MSI2: variants seen among roughly 807,000 people sequenced by gnomAD.
MSI2 encodes musashi RNA binding protein 2.
In MSI2, 17 loss-of-function variants were observed where a neutral mutation model predicts 45.6. That is an observed-to-expected ratio of 0.37 (90% CI 0.26 to 0.56). The LOEUF is 0.56. Among genes scored for constraint, MSI2 ranks in the 20% least tolerant of loss-of-function variants. The pLI, the probability that MSI2 is intolerant of heterozygous loss-of-function variation, is 0.77. For synonymous variants in MSI2, 156 were observed against 158.2 expected (o/e 0.99, Z 0.11); for missense variants, 293 against 444.2 (o/e 0.66, Z 3.06).
At chr17:57,388,557 G>T (rs2083725439) in intron 5 of MSI2, among the ~76,000 whole-genome samples, 2 of 152,238 alleles carry the variant, frequency 1.3e-5, no homozygotes, top group African/African-American at 4.8e-5. Context: ...TGCTGTCCAG[G>T]TGTCTTGCTC....
intron 6 of MSI2, among the ~76,000 whole-genome samples, chr17:57,494,089 C>T (rs893480309): frequency 3.9e-5 from 6 of 151,994 alleles, no homozygotes; most frequent in East Asian, 3.9e-4. Context: ...CTACCGGGTG[C>T]GATAAGGCAG....
chr17:57,349,577 TA>T (rs1490797868), intron 5 of MSI2, among the ~76,000 whole-genome samples: 1 of 152,204 alleles, frequency 6.6e-6, no homozygotes, highest in African/African-American at 2.4e-5. Context: ...AAAAATGAAA[TA>T]CTTGAATGAT....
At chr17:57,271,967 G>A (rs1159843799) in intron 5 of MSI2, among the ~76,000 whole-genome samples, 1 of 152,064 alleles carries the variant, frequency 6.6e-6, no homozygotes, top group Admixed American at 6.6e-5. Context: ...CTTTTGGGCC[G>A]CCTAGGGGAA....
At chr17:57,371,199 G>A (rs942049661) in intron 5 of MSI2, among the ~76,000 whole-genome samples, 1 of 152,164 alleles carries the variant, frequency 6.6e-6, no homozygotes, top group Non-Finnish European at 1.5e-5. Flanking sequence ...CACCACTCCA[G>A]CCACAAAACA....
At chr17:57,362,140 C>G (rs1476711016) in intron 5 of MSI2, among the ~76,000 whole-genome samples, 1 of 152,166 alleles carries the variant, frequency 6.6e-6, no homozygotes, top group Non-Finnish European at 1.5e-5. Flanking sequence ...CTGCACGGAA[C>G]CCAGTGGTGG....
intron 5 of MSI2, among the ~76,000 whole-genome samples, chr17:57,295,119 C>G (rs545294621): frequency 4.6e-5 from 7 of 152,336 alleles, no homozygotes; most frequent in Non-Finnish European, 8.8e-5. Context: ...TGTGCCCACC[C>G]TCCAGTGCAA....
chr17:57,554,296 C>T lies in MSI2; in HGVS notation c.454+24572C>T, dbSNP rs373836668. Among the ~76,000 whole-genome samples, 4 of 152,136 alleles carry T rather than the reference C, an allele frequency of 2.6e-5. No homozygotes were observed. In the South Asian group the frequency reaches 8.3e-4, roughly 32 times the overall value. ...CTTGGCAAGGTAATTAGACTTGGTG[C>T]TCTCAAAGTAAATTCATAGTTTTAT... is the stretch of plus-strand genomic sequence containing the variant. On this transcript the variant is annotated intron_variant, in intron 7 of 13. Transcript: ENST00000284073.
At chr17:57,279,991 TG>T (rs1909272349) in intron 5 of MSI2, 1 of 150,064 alleles carries the variant, frequency 6.7e-6, no homozygotes, top group South Asian at 2.1e-4. Flanking sequence ...TATACATCCA[TG>T]CATTGGATGT....
chr17:57,640,984 G>A (rs1243014414), intron 10 of MSI2, among the ~76,000 whole-genome samples: 2 of 151,538 alleles, frequency 1.3e-5, no homozygotes, highest in Non-Finnish European at 2.9e-5. Context: ...GGGCTAGAGT[G>A]TAGTGGTATA....
At chr17:57,446,618 A>G (rs552438048) in intron 6 of MSI2, among the ~76,000 whole-genome samples, 2 of 152,344 alleles carry the variant, frequency 1.3e-5, no homozygotes, top group East Asian at 3.9e-4. Flanking sequence ...GAAAAGGTCA[A>G]GCATCCGTTC....
intron 6 of MSI2, among the ~76,000 whole-genome samples, chr17:57,456,947 C>T (rs1366039823): frequency 1.3e-5 from 2 of 152,142 alleles, no homozygotes; most frequent in Non-Finnish European, 2.9e-5. Flanking sequence ...CCTGTGGTTT[C>T]ATTGGCACTT....
intron 1 of MSI2, 24 bp downstream of exon 1, chr17:57,256,828 C>T: frequency 6.9e-7 from 1 of 1,444,040 alleles, no homozygotes; most frequent in Non-Finnish European, 9.1e-7. Context: ...CGCTGCCCAC[C>T]GCGCCGCCTT....
chr17:57,471,213 G>A (rs572490864), intron 6 of MSI2, among the ~76,000 whole-genome samples: 1 of 150,036 alleles, frequency 6.7e-6, no homozygotes, highest in Admixed American at 6.7e-5. Flanking sequence ...TCCATCCAAG[G>A]TTTCTCGAAT....
intron 10 of MSI2, among the ~76,000 whole-genome samples, chr17:57,638,722 TCAA>T (rs1414541575): frequency 1.3e-5 from 2 of 151,674 alleles, no homozygotes; most frequent in African/African-American, 4.8e-5. Context: ...AGACTCTGTC[TCAA>T]CAAAATATTT....
At chr17:57,585,022 T>A (rs921947835) in intron 7 of MSI2, among the ~76,000 whole-genome samples, 3 of 152,106 alleles carry the variant, frequency 2.0e-5, no homozygotes, top group African/African-American at 7.2e-5. Flanking sequence ...TTCACCATGT[T>A]GGCCAGGCTG....
chr17:57,328,374 A>G (rs1219333927), intron 5 of MSI2, among the ~76,000 whole-genome samples: 1 of 152,020 alleles, frequency 6.6e-6, no homozygotes, highest in Non-Finnish European at 1.5e-5. Context: ...CAATCCATCC[A>G]TCCTTCATCC....
rs200926325 is a variant in MSI2, at chr17:57,297,178, G to GT, written c.312+34995dup. ...GTGAGCCACCACCATGCTGGGCCCAGTTTTTTTTTGTTTTTTTTTTTTTTA... is the reference window on the plus strand; with the variant it reads ...GTGAGCCACCACCATGCTGGGCCCAGTTTTTTTTTTGTTTTTTTTTTTTTTA... On this transcript the variant is annotated intron_variant, in intron 5 of 13. Transcript: ENST00000284073. Among the ~76,000 whole-genome samples, 41 of 134,820 alleles carry GT rather than the reference G, an allele frequency of 3.0e-4. 2 individuals are homozygous for GT. The highest frequency in any genetic ancestry group is 4.6e-4 in the South Asian group (2 of 4,368). The allele number at this position is 134,820 out of a possible 152,430, so 88.4% of individuals were successfully genotyped here. A position where few individuals can be genotyped will look rare whatever the true frequency, so the allele number is the denominator to read the frequency against.
At chr17:57,504,866 G>A (rs1476866757) in intron 6 of MSI2, among the ~76,000 whole-genome samples, 1 of 150,428 alleles carries the variant, frequency 6.6e-6, no homozygotes, top group Non-Finnish European at 1.5e-5. Context: ...GGGAGGCGGA[G>A]GTTGTGGTGA....
chr17:57,270,439 T>C (rs1331106069), intron 5 of MSI2, among the ~76,000 whole-genome samples: 1 of 152,164 alleles, frequency 6.6e-6, no homozygotes, highest in African/African-American at 2.4e-5. Flanking sequence ...GTGGGCAGAG[T>C]TGAGGTTGCC....
Sources: allele counts gnomAD v4.1 joint callset (sites outside exome capture counted in the v4.1 genomes callset), GRCh38; gene constraint gnomAD v4.1.1; transcripts MANE v1.5; gene names NCBI Gene and HGNC (gene_info 2026-07-23, HGNC 2026-07-21).